The following CTCF variants were observed in gnomAD, a reference collection of about 807,000 sequenced individuals.
CTCF encodes the protein CCCTC-binding factor.
A neutral mutation model predicts 72.3 loss-of-function variants in CTCF; 7 were observed. The observed-to-expected ratio is 0.10, with a 90% CI of 0.06 to 0.18. The LOEUF (loss-of-function observed/expected upper bound fraction) is 0.18. CTCF is among the 10% of genes least tolerant of loss of function. The probability of loss-of-function intolerance (pLI) is 1.00; values close to 1 mark genes in which losing one functional copy is unlikely to be tolerated. For synonymous variants in CTCF, 374 were observed against 315.8 expected, an observed-to-expected ratio of 1.18 and a Z score of -1.95; for missense variants, 516 against 949.1, an observed-to-expected ratio of 0.54 and a Z score of 6.00.
At chr16:67,581,155 G>T (rs1156851996) in intron 2 of CTCF, among the ~76,000 whole-genome samples, 1 of 148,158 alleles carries the variant, frequency 6.7e-6, no homozygotes. Flanking sequence ...GTCTCGATCT[G>T]CTGACCTCCT....
At chr16:67,566,076 C>T (rs2051339521) in intron 1 of CTCF, among the ~76,000 whole-genome samples, 1 of 152,184 alleles carries the variant, frequency 6.6e-6, no homozygotes, top group Non-Finnish European at 1.5e-5. Flanking sequence ...CCTAATTTAC[C>T]TGTCTTGGCT....
intron 2 of CTCF, among the ~76,000 whole-genome samples, chr16:67,578,001 T>C (rs1446937050): frequency 6.6e-6 from 1 of 152,150 alleles, no homozygotes; most frequent in African/African-American, 2.4e-5. Context: ...ACCTAAAGAA[T>C]CCCTTAACTT....
rs970585856 is a variant in CTCF, at chr16:67,584,189, G to A, written c.-10+12925G>A. Among the ~76,000 whole-genome samples, 5 of 151,940 alleles carry A rather than the reference G, an allele frequency of 3.3e-5. No homozygotes were observed. The South Asian group carries it at 1.0e-3, about 32-fold the overall frequency. ...AGTTCGAGACTAGCTGGGCATGGTG[G>A]TGGGCACCTGTAATCCCAGCTACTC... On this transcript the variant is annotated intron_variant, in intron 2 of 11. Transcript: ENST00000264010.
intron 2 of CTCF, among the ~76,000 whole-genome samples, chr16:67,610,299 T>A (rs1165136119): frequency 6.6e-6 from 1 of 152,096 alleles, no homozygotes; most frequent in Non-Finnish European, 1.5e-5. Context: ...GTTTCAGAGT[T>A]TTGGAGTTTG....
intron 2 of CTCF, among the ~76,000 whole-genome samples, chr16:67,583,027 C>G (rs2051609900): frequency 1.4e-5 from 2 of 145,786 alleles, no homozygotes; most frequent in Admixed American, 1.4e-4. Context: ...GTTGCACAGG[C>G]TGGATGGAGT....
At chr16:67,575,598 A>G (rs1220308287) in intron 2 of CTCF, among the ~76,000 whole-genome samples, 6 of 151,954 alleles carry the variant, frequency 3.9e-5, no homozygotes, top group African/African-American at 9.7e-5. Context: ...GTGCGCCACC[A>G]TGTCTAGCTA....
intron 1 of CTCF, among the ~76,000 whole-genome samples, chr16:67,565,969 C>CT (rs1332558927): frequency 2.0e-5 from 3 of 152,120 alleles, no homozygotes; most frequent in African/African-American, 4.8e-5. Context: ...CTAGAGACTG[C>CT]TTTTTTTGCT....
At chr16:67,628,955 GGCAGGAGGATGGC>G (rs1247727658) in intron 9 of CTCF, among the ~76,000 whole-genome samples, 1 of 152,116 alleles carries the variant, frequency 6.6e-6, no homozygotes, top group Non-Finnish European at 1.5e-5. Flanking sequence ...AGGAGGCTGA[GGCAGGAGGATGGC>G]GTGTACCCGG....
chr16:67,611,819 A>G (rs910699510), intron 3 of CTCF, 132 bp from the exon 4 acceptor site: 2 of 943,010 alleles, frequency 2.1e-6, no homozygotes, highest in Non-Finnish European at 3.3e-6. Flanking sequence ...TATTAGTGAC[A>G]TGAGATAATT....
chr16:67,563,682 A>G (rs976274415), intron 1 of CTCF: 2 of 152,230 alleles, frequency 1.3e-5, no homozygotes, highest in African/African-American at 4.8e-5. Context: ...GTGCGCTCAG[A>G]GATCTCAAAG....
Position 67,565,031 on chromosome 16 carries a change from C to T in CTCF, c.-127+2307C>T, listed in dbSNP as rs183390994. Among the ~76,000 whole-genome samples the T allele has an allele frequency of 6.6e-5, 10 of 150,946 alleles. No homozygotes were observed. In the East Asian group the frequency reaches 1.8e-3, roughly 27 times the overall value. ...TTTTTTTTTTTTTGAGACGGAGTCT[C>T]GTTCTGTCCCCTAGGCTGGAGTGGC... On this transcript the variant is annotated intron_variant, in intron 1 of 11. Coordinates refer to ENST00000264010, the MANE Select transcript of CTCF (RefSeq NM_006565.4).
chr16:67,611,859 G>A lies in CTCF; in HGVS notation c.782-92G>A, dbSNP rs574521114. ...CTTATATTGGGTTTTGTTATTAAAA[G>A]CTAATCAAATATATTTGTAGAAATT... On this transcript the variant is annotated intron_variant, in intron 3 of 11. Transcript: ENST00000264010. 33 of 1,184,406 alleles carry A rather than the reference G, an allele frequency of 2.8e-5. No homozygotes were observed. In the South Asian group the frequency reaches 2.9e-4, roughly 10 times the overall value. The allele number at this position is 1,184,406 out of a possible 1,614,324, so 73.4% of individuals were successfully genotyped here.
At chr16:67,604,236 G>T (rs1405672394) in intron 2 of CTCF, among the ~76,000 whole-genome samples, 1 of 152,096 alleles carries the variant, frequency 6.6e-6, no homozygotes, top group African/African-American at 2.4e-5. Flanking sequence ...TGGAGCCCAG[G>T]AGTTGGAGGT....
intron 1 of CTCF, among the ~76,000 whole-genome samples, chr16:67,565,294 G>T (rs939545750): frequency 6.6e-6 from 1 of 151,926 alleles, no homozygotes; most frequent in South Asian, 2.1e-4. Context: ...GAGCCATCTC[G>T]CCAGGCCAGG....
intron 7 of CTCF, among the ~76,000 whole-genome samples, chr16:67,624,959 C>CT (rs1190262741): frequency 6.6e-6 from 1 of 152,150 alleles, no homozygotes; most frequent in African/African-American, 2.4e-5. Flanking sequence ...GAGTTTCACT[C>CT]TGTCACCCAG....
chr16:67,616,966 TA>T, intron 5 of CTCF, 88 bp downstream of exon 5: 2 of 1,327,856 alleles, frequency 1.5e-6, no homozygotes, highest in Non-Finnish European at 2.1e-6. Context: ...CAAACGGACT[TA>T]AGATGAGGTA....
At chr16:67,597,417 A>G (rs975416117) in intron 2 of CTCF, among the ~76,000 whole-genome samples, 1 of 151,856 alleles carries the variant, frequency 6.6e-6, no homozygotes, top group Non-Finnish European at 1.5e-5. Flanking sequence ...TTGACGCACT[A>G]CAACCTCCAC....
chr16:67,563,084 C>T (rs1175123057), intron 1 of CTCF, among the ~76,000 whole-genome samples: 7 of 152,020 alleles, frequency 4.6e-5, no homozygotes, highest in Non-Finnish European at 1.0e-4. Context: ...CGCGGCCCGC[C>T]CTCTGTCCTG....
intron 7 of CTCF, among the ~76,000 whole-genome samples, chr16:67,623,110 C>T (rs1227015668): frequency 2.0e-5 from 3 of 148,712 alleles, no homozygotes; most frequent in Non-Finnish European, 4.5e-5. Context: ...TACAGGTGCC[C>T]GCCCATGGCT....
Sources: gnomAD v4.1 joint callset for allele counts (sites outside exome capture counted in the v4.1 genomes callset) on GRCh38, gnomAD v4.1.1 for gene constraint, MANE v1.5 for transcripts, NCBI Gene and HGNC (gene_info 2026-07-23, HGNC 2026-07-21) for gene names.